OR10K1: variants seen among roughly 807,000 people sequenced by gnomAD.
OR10K1 encodes the protein olfactory receptor family 10 subfamily K member 1.
For missense variants in OR10K1, 404 were observed against 373.3 expected (o/e 1.08, Z -0.68); for synonymous variants, 186 against 152.5 (o/e 1.22, Z -1.62).
rs769382981 is a variant in OR10K1, at chr1:158,466,092, C to T, written c.531C>T (p.Phe177=). The T allele has an allele frequency of 6.2e-7, 1 of 1,614,054 alleles. No homozygotes were observed. Among genetic ancestry groups the T allele is most frequent in the South Asian group, 1.1e-5 (1 of 91,058 alleles). ...PFHSSNQLHH[F]FCDISPVLKL... ...ACTCCTCCAACCAGCTCCATCACTTCTTCTGTGACATCTCCCCTGTCCTTA... is the reference window on the plus strand; with the variant it reads ...ACTCCTCCAACCAGCTCCATCACTTTTTCTGTGACATCTCCCCTGTCCTTA... Residue 177 remains phenylalanine, a synonymous_variant, in exon 2 of 2, where the codon TTC becomes TTT. Transcript: ENST00000641535.
chr1:158,466,255 G>C lies in OR10K1; in HGVS notation c.694G>C (p.Val232Leu), dbSNP rs766692849. The change falls in exon 2 of 2, where the codon GTT (valine) becomes CTT (leucine). Residue 232 changes from valine to leucine, a missense_variant. By Grantham distance (32) the Val-to-Leu change is conservative. Transcript: ENST00000641535. ...TGCCATTCTAAAAATCCCTTCCTCC[G>C]TTGGAAGATACAAGACCTTCTCCAC... ...ISAILKIPSS[V>L]GRYKTFSTCA... is the part of the protein sequence containing the mutation. The C allele has an allele frequency of 1.2e-6, 2 of 1,614,010 alleles. No homozygotes were observed. Among genetic ancestry groups the C allele is most frequent in the East Asian group, 4.5e-5 (2 of 44,874 alleles).
chr1:158,463,791 T>C (rs903400311), intron 1 of OR10K1, among the ~76,000 whole-genome samples: 1 of 152,206 alleles, frequency 6.6e-6, no homozygotes, highest in Non-Finnish European at 1.5e-5. Flanking sequence ...TACCTTTCTG[T>C]ATATAAAAAC....
intron 1 of OR10K1, among the ~76,000 whole-genome samples, chr1:158,462,382 C>CTTCA (rs1327163751): frequency 1.3e-5 from 2 of 151,534 alleles, no homozygotes; most frequent in Non-Finnish European, 2.9e-5. Context: ...TCCTTCCTTC[C>CTTCA]TTTCTTCCTT....
chr1:158,466,281 C>T lies in OR10K1; in HGVS notation c.720C>T (p.Thr240=). 6.2e-7 allele frequency: 1 copy of T among 1,614,154 alleles called. No homozygotes were observed. Among genetic ancestry groups the T allele is most frequent in the Non-Finnish European group, 8.5e-7 (1 of 1,179,992 alleles). The change falls in exon 2 of 2, where the codon ACC becomes ACT. Residue 240 remains threonine, a synonymous_variant. Transcript: ENST00000641535. ...SSVGRYKTFS[T]CASHLIVVTV... ...TTGGAAGATACAAGACCTTCTCCAC[C>T]TGTGCCTCCCATCTCATTGTGGTAA...
chr1:158,462,373 C>G (rs1429514669), intron 1 of OR10K1, among the ~76,000 whole-genome samples: 1 of 151,056 alleles, frequency 6.6e-6, no homozygotes, highest in African/African-American at 2.4e-5. Context: ...TCTTTTCCTT[C>G]CTTCCTTCCT....
In OR10K1 at chr1:158,465,450, A is replaced by T; in HGVS notation, c.-112A>T. The T allele has an allele frequency of 1.3e-6, 1 of 783,122 alleles. No homozygotes were observed. The highest frequency in any genetic ancestry group is 2.7e-5 in the East Asian group (1 of 37,400). The allele number at this position is 783,122 out of a possible 1,614,324, so 48.5% of individuals were successfully genotyped here. The stretch of plus-strand genomic sequence containing the variant: ...ATGAAGAATTCCATCAAATATCTGG[A>T]AATGCCTGCCACCTGCAAACTTTGT... On this transcript the variant is annotated 5_prime_UTR_variant, in exon 2 of 2. Transcript: ENST00000641535.
rs192289228 is a variant in OR10K1 at position 158,464,855 on chromosome 1, C to G, written c.-156-551C>G. On this transcript the variant is annotated intron_variant, in intron 1 of 1. Coordinates refer to ENST00000641535, the MANE Select transcript of OR10K1 (RefSeq NM_001004473.2). ...GTAAAGACCAGGTTTTGCCATGTTG[C>G]CGAGGCTGGTCTTGAACCCCTGGCC... is the stretch of plus-strand genomic sequence containing the variant. 2.4e-3 allele frequency among the ~76,000 whole-genome samples: 359 copies of G among 152,118 alleles called. 1 individual carries two copies. Among genetic ancestry groups the G allele is most frequent in the Non-Finnish European group, 3.7e-3 (253 of 67,984 alleles).
intron 1 of OR10K1, among the ~76,000 whole-genome samples, chr1:158,463,978 A>G (rs779002513): frequency 6.6e-6 from 1 of 152,204 alleles, no homozygotes; most frequent in Non-Finnish European, 1.5e-5. Flanking sequence ...AAGAAAAAAA[A>G]TCATCTCCAA....
In OR10K1 at chr1:158,466,000, G is replaced by A. The variant is rs777077190; in HGVS notation, c.439G>A (p.Ala147Thr). The A allele has an allele frequency of 6.2e-7, 1 of 1,613,988 alleles. No homozygotes were observed. Among genetic ancestry groups the A allele is most frequent in the Admixed American group, 1.7e-5 (1 of 59,990 alleles). Residue 147 changes from alanine (A) to threonine (T), a missense_variant, in exon 2 of 2, where the codon GCT becomes ACT. Coordinates refer to ENST00000641535, the MANE Select transcript of OR10K1 (RefSeq NM_001004473.2). Reference sequence around the variant, plus strand: ...TGGGGTGTGTATGGGACTAATGGCTGCTGCCTGTGCCTGTGGCTTCACTGT... The same window carrying A: ...TGGGGTGTGTATGGGACTAATGGCTACTGCCTGTGCCTGTGGCTTCACTGT... ...GHGVCMGLMA[A>T]ACACGFTVSL...
At position 158,466,311 on chromosome 1, in the gene OR10K1, T is replaced by C. The variant is rs1192570235; in HGVS notation, c.750T>C (p.Val250=). Residue 250 remains valine, a synonymous_variant, in exon 2 of 2, where the codon GTT becomes GTC. Transcript: ENST00000641535. ...TCASHLIVVT[V]HYSCASFIYL... ...CCTCCCATCTCATTGTGGTAACTGT[T>C]CACTACAGTTGTGCCTCTTTCATCT... 6.2e-7 allele frequency: 1 copy of C among 1,614,038 alleles called. No individual in the cohort carries two copies. Among genetic ancestry groups the C allele is most frequent in the Non-Finnish European group, 8.5e-7 (1 of 1,179,910 alleles).
intron 1 of OR10K1, among the ~76,000 whole-genome samples, chr1:158,463,350 G>A (rs889263249): frequency 6.6e-6 from 1 of 152,098 alleles, no homozygotes; most frequent in East Asian, 1.9e-4. Context: ...AGCAGATGGG[G>A]GCTGCCTTCT....
In OR10K1 at chr1:158,465,789, C is replaced by G. The variant is rs763317552; in HGVS notation, c.228C>G (p.Val76=). Residue 76 remains valine, a synonymous_variant, in exon 2 of 2, where the codon GTC becomes GTG. Coordinates refer to ENST00000641535, the MANE Select transcript of OR10K1 (RefSeq NM_001004473.2). ...LSCSEICYTF[V]IVPKMLVDLL... ...GCTCTGAGATTTGCTATACCTTTGT[C>G]ATTGTACCCAAGATGCTGGTTGACC... 235 of 1,614,094 alleles carry G rather than the reference C, an allele frequency of 1.5e-4. No individual in the cohort carries two copies. The highest frequency in any genetic ancestry group is 1.7e-4 in the Non-Finnish European group (204 of 1,180,048).
In OR10K1 at chr1:158,466,426, AT is replaced by A. The variant is rs779411157; in HGVS notation, c.868del (p.Tyr290IlefsTer3). ...TILTPLFNPM[I>X]YSLRNKEFKS... ...CCTTACCCCATTGTTCAATCCAATG[AT>A]TTATAGTCTGAGAAATAAGGAATTC... On this transcript the variant is annotated frameshift_variant, in exon 2 of 2. Coordinates refer to ENST00000641535, the MANE Select transcript of OR10K1 (RefSeq NM_001004473.2). LOFTEE classifies it low-confidence loss of function (END_TRUNC). 1 of 1,614,050 alleles carries A rather than the reference AT, an allele frequency of 6.2e-7. No individual in the cohort carries two copies. Among genetic ancestry groups the A allele is most frequent in the Non-Finnish European group, 8.5e-7 (1 of 1,179,930 alleles).
Position 158,465,426 on chromosome 1 carries a change from T to C in OR10K1, c.-136T>C, listed in dbSNP as rs1414886938. On this transcript the variant is annotated 5_prime_UTR_variant, in exon 2 of 2. An upstream start codon of the reference 5' UTR is lost. Coordinates refer to ENST00000641535, the MANE Select transcript of OR10K1 (RefSeq NM_001004473.2). ...TTTAGCAGGCATTTTAATGGGGGAA[T>C]GAAGAATTCCATCAAATATCTGGAA... is the stretch of plus-strand genomic sequence containing the variant. 1 of 684,948 alleles carries C rather than the reference T, an allele frequency of 1.5e-6. No individual in the cohort carries two copies. Among genetic ancestry groups the C allele is most frequent in the South Asian group, 2.0e-5 (1 of 51,200 alleles). The allele number at this position is 684,948 out of a possible 1,614,324, so 42.4% of individuals were successfully genotyped here.
rs760511298 is a variant in OR10K1 at position 158,467,406 on chromosome 1, C to T, written c.*903C>T. On this transcript the variant is annotated 3_prime_UTR_variant, in exon 2 of 2. Coordinates refer to ENST00000641535, the MANE Select transcript of OR10K1 (RefSeq NM_001004473.2). The stretch of plus-strand genomic sequence containing the variant: ...ACCTACCTCTTCAGTATTATCATTT[C>T]TAATTTTGTTATTCTCCATTTTCTA... 14 of 152,114 alleles carry T rather than the reference C, an allele frequency of 9.2e-5. No individual in the cohort carries two copies. Among genetic ancestry groups the T allele is most frequent in the Non-Finnish European group, 1.6e-4 (11 of 68,024 alleles). The allele number at this position is 152,114 out of a possible 1,614,324, so 9.4% of individuals were successfully genotyped here.
Position 158,465,498 on chromosome 1 carries a change from A to T in OR10K1, c.-64A>T. The T allele has an allele frequency of 7.8e-7, 1 of 1,290,000 alleles. No homozygotes were observed. Among genetic ancestry groups the T allele is most frequent in the Non-Finnish European group, 1.1e-6 (1 of 919,272 alleles). The allele number at this position is 1,290,000 out of a possible 1,614,324, so 79.9% of individuals were successfully genotyped here. On this transcript the variant is annotated 5_prime_UTR_variant, in exon 2 of 2. Transcript: ENST00000641535. ...TGTGTGAAATTTCCCGTACATTTCCACTCTCCTTTCTGGATCCTGGTTTCT... is the reference window on the plus strand; with the variant it reads ...TGTGTGAAATTTCCCGTACATTTCCTCTCTCCTTTCTGGATCCTGGTTTCT...
At chr1:158,463,836 T>G (rs1157469818) in intron 1 of OR10K1, among the ~76,000 whole-genome samples, 1 of 152,174 alleles carries the variant, frequency 6.6e-6, no homozygotes, top group Non-Finnish European at 1.5e-5. Context: ...TACACAAATA[T>G]CAATGGAGGT....
rs1656027444 is a variant in OR10K1, at chr1:158,465,950, T to C, written c.389T>C (p.Leu130Pro). 3 of 1,614,184 alleles carry C rather than the reference T, an allele frequency of 1.9e-6. No homozygotes were observed. The highest frequency in any genetic ancestry group is 1.6e-4 in the Middle Eastern group (1 of 6,062). ...CGCTATATGGCCATCTGTAACCCAC[T>C]GCGCTACTCAGTGCTCATGGGACAT... ...YDRYMAICNPLRYSVLMGHGV... is the reference protein window; with the variant it reads ...YDRYMAICNPPRYSVLMGHGV... The change falls in exon 2 of 2, where the codon CTG (leucine) becomes CCG (proline). Residue 130 changes from leucine (L) to proline (P), a missense_variant. Leu to Pro is a moderately conservative substitution (Grantham distance 98, BLOSUM62 -3). Coordinates refer to ENST00000641535, the MANE Select transcript of OR10K1 (RefSeq NM_001004473.2).
chr1:158,464,176 G>A (rs78245049), intron 1 of OR10K1, among the ~76,000 whole-genome samples: 2,085 of 152,246 alleles, frequency 0.014, 31 homozygotes, highest in South Asian at 0.059. Context: ...ATGAAGACTG[G>A]ATACCAGCAA....
Sources: gnomAD v4.1 joint callset for allele counts (sites outside exome capture counted in the v4.1 genomes callset) on GRCh38, gnomAD v4.1.1 for gene constraint, MANE v1.5 for transcripts, NCBI Gene and HGNC (gene_info 2026-07-23, HGNC 2026-07-21) for gene names.